The following FGA variants were observed in gnomAD, a reference collection of about 807,000 sequenced individuals.
FGA encodes fibrinogen, A alpha polypeptide.
A neutral mutation model predicts 20.3 loss-of-function variants in FGA; 20 were observed. The ratio of observed to expected loss-of-function variants is 0.99; its 90% confidence interval spans 0.69 to 1.43. The LOEUF (loss-of-function observed/expected upper bound fraction) is 1.43, where lower values mean the gene tolerates loss of function less well. FGA is among the 40% of genes most tolerant of loss of function. The pLI is 0.00. For missense variants in FGA, 777 were observed against 784.7 expected (o/e 0.99, Z 0.12); for synonymous variants, 306 against 281.6 (o/e 1.09, Z -0.87).
downstream of FGA, chr4:154,584,307 G>A (rs1466612183): frequency 6.2e-7 from 1 of 1,613,954 alleles, no homozygotes; most frequent in African/African-American, 1.3e-5. Flanking sequence ...TATACCACCA[G>A]CCTCCCCCAT....
In FGA at chr4:154,586,812, T is replaced by A. The variant is rs781695382; in HGVS notation, c.617A>T (p.Gln206Leu). 6.2e-7 allele frequency: 1 copy of A among 1,614,202 alleles called. No homozygotes were observed. Among genetic ancestry groups the A allele is most frequent in the South Asian group, 1.1e-5 (1 of 91,086 alleles). ...GGGAAGTAAGTCTTTGGCAATGACCTGTTCAAGTTGCTTCTGCTGATCTTC... is the reference window on the plus strand; with the variant it reads ...GGGAAGTAAGTCTTTGGCAATGACCAGTTCAAGTTGCTTCTGCTGATCTTC... ...DYEDQQKQLE[Q>L]VIAKDLLPSR... is the part of the protein sequence containing the mutation. The change falls in exon 5 of 5, where the codon CAG becomes CTG. Residue 206 changes from glutamine (Q) to leucine (L), a missense_variant. By Grantham distance (113) the Gln-to-Leu change is moderately radical. Coordinates refer to ENST00000403106, the MANE Select transcript of FGA (RefSeq NM_021871.4).
intron 3 of FGA, among the ~76,000 whole-genome samples, 159 bp from the exon 4 acceptor site, chr4:154,587,816 G>A (rs1010532824): frequency 2.7e-5 from 4 of 149,486 alleles, no homozygotes; most frequent in African/African-American, 9.9e-5. Context: ...AAAAAAGAAA[G>A]AAAGAAACTA....
At chr4:154,584,098 A>AGTGCTCCCATTCCCACTTCGAAGACAGC, downstream of FGA, 1 of 1,552,692 alleles carries the variant, frequency 6.4e-7, no homozygotes, top group Non-Finnish European at 8.9e-7. Flanking sequence ...AAGAAGACAG[A>AGTGCTCCCATTCCCACTTCGAAGACAGC]GTGCTCCCAT....
At chr4:154,585,201 G>A (rs544074240), downstream of FGA, 68 of 1,296,954 alleles carry the variant, frequency 5.2e-5, no homozygotes, top group Non-Finnish European at 6.0e-5. Context: ...TCAGTTGGGT[G>A]ACAATTCTAA....
intron 1 of FGA, 24 bp from the exon 2 acceptor site, chr4:154,589,586 C>T: frequency 6.2e-7 from 1 of 1,610,028 alleles, no homozygotes; most frequent in Non-Finnish European, 8.5e-7. Context: ...TTCACATACA[C>T]AAAAGAGAGC....
chr4:154,586,270 G>A lies in FGA; in HGVS notation c.1159C>T (p.His387Tyr). 1 of 1,614,114 alleles carries A rather than the reference G, an allele frequency of 6.2e-7. No homozygotes were observed. Among genetic ancestry groups the A allele is most frequent in the South Asian group, 1.1e-5 (1 of 91,072 alleles). Residue 387 changes from histidine (H) to tyrosine (Y), a missense_variant, in exon 5 of 5, where the codon CAC (histidine) becomes TAC (tyrosine). His to Tyr is a moderately conservative substitution (Grantham distance 83). Coordinates refer to ENST00000403106, the MANE Select transcript of FGA (RefSeq NM_021871.4). ...GGCCTAAAACTTCCAGATTCAGAGT[G>A]CCATTGTCCAGTACTACCAGATACA... ...SSVSGSTGQW[H>Y]SESGSFRPDS...
chr4:154,587,973 A>G (rs534846501), intron 3 of FGA, among the ~76,000 whole-genome samples: 1 of 152,286 alleles, frequency 6.6e-6, no homozygotes, highest in East Asian at 1.9e-4. Flanking sequence ...AGTAATCCCA[A>G]AGAAATATAG....
At chr4:154,589,157 C>T (rs1730810159) in intron 2 of FGA, among the ~76,000 whole-genome samples, 181 bp from the exon 3 acceptor site, 1 of 152,088 alleles carries the variant, frequency 6.6e-6, no homozygotes, top group African/African-American at 2.4e-5. Context: ...GTCCACTTAG[C>T]CATAAATTAG....
rs1418346384 is a variant in FGA at position 154,589,555 on chromosome 4, T to C, written c.62A>G (p.Asp21Gly). The C allele has an allele frequency of 1.9e-6, 3 of 1,613,252 alleles. No individual in the cohort carries two copies. The South Asian group carries it at 3.3e-5, about 18-fold the overall frequency. The part of the protein sequence containing the change: ...LSVVGTAWTA[D>G]SGEGDFLAEG... ...AGCTAGAAAGTCACCTTCACCACTA[T>C]CTGCAGTCTTTAAAGATTCATTCAC... Residue 21 changes from aspartate to glycine, a missense_variant, in exon 2 of 5, where the codon GAT becomes GGT. Transcript: ENST00000403106.
chr4:154,584,594 T>A, downstream of FGA: 1 of 1,614,156 alleles, frequency 6.2e-7, no homozygotes, highest in South Asian at 1.1e-5. Flanking sequence ...AGGTAGTCAT[T>A]GCCTAGCCAG....
chr4:154,583,580 C>A (rs1298495677), downstream of FGA: 2 of 152,560 alleles, frequency 1.3e-5, no homozygotes, highest in East Asian at 3.8e-4. Context: ...AAGAATGTTT[C>A]TCTTGCCTTC....
In FGA at chr4:154,586,763, T is replaced by A. The variant is rs886059151; in HGVS notation, c.666A>T (p.Pro222=). Reference sequence around the variant, plus strand: ...CTGGAACTGGTTTCATTTTTATCAGTGGTAAGTGTTGCCTATCTCTAGAGG... The same window carrying A: ...CTGGAACTGGTTTCATTTTTATCAGAGGTAAGTGTTGCCTATCTCTAGAGG... ...LLPSRDRQHL[P]LIKMKPVPDL... The change falls in exon 5 of 5, where the codon CCA becomes CCT. Residue 222 remains proline, a synonymous_variant. Transcript: ENST00000403106. 3 of 1,614,096 alleles carry A rather than the reference T, an allele frequency of 1.9e-6. No homozygotes were observed. Among genetic ancestry groups the A allele is most frequent in the Non-Finnish European group, 2.5e-6 (3 of 1,180,004 alleles).
At chr4:154,584,002 A>G (rs1475834120), downstream of FGA, 3 of 794,076 alleles carry the variant, frequency 3.8e-6, no homozygotes, top group African/African-American at 3.4e-5. Context: ...AGTACAAAGG[A>G]TAAGAAAATA....
chr4:154,586,840 A>G lies in FGA; in HGVS notation c.589T>C (p.Tyr197His). The change falls in exon 5 of 5, where the codon TAT (tyrosine) becomes CAT (histidine). Residue 197 changes from tyrosine (Y) to histidine (H), a missense_variant. Coordinates refer to ENST00000403106, the MANE Select transcript of FGA (RefSeq NM_021871.4). Reference protein sequence around the residue: ...ALAREVDLKDYEDQQKQLEQV... With the variant: ...ALAREVDLKDHEDQQKQLEQV... Reference sequence around the variant, plus strand: ...TCAAGTTGCTTCTGCTGATCTTCATAGTCCTTCAGATCTACTTCACGAGCT... The same window carrying G: ...TCAAGTTGCTTCTGCTGATCTTCATGGTCCTTCAGATCTACTTCACGAGCT... 6.2e-7 allele frequency: 1 copy of G among 1,614,188 alleles called. No homozygotes were observed. Among genetic ancestry groups the G allele is most frequent in the Non-Finnish European group, 8.5e-7 (1 of 1,180,002 alleles).
chr4:154,584,240 G>A, downstream of FGA: 1 of 1,614,020 alleles, frequency 6.2e-7, no homozygotes, highest in Non-Finnish European at 8.5e-7. Context: ...TTATTCCTTG[G>A]GTCATAGGAG....
At chr4:154,589,229 A>G (rs2070027) in intron 2 of FGA, among the ~76,000 whole-genome samples, 3,441 of 152,284 alleles carry the variant, frequency 0.023, 60 homozygotes, top group Non-Finnish European at 0.035. Context: ...TGCAACTGAA[A>G]TCCTGTCTGT....
Position 154,590,147 on chromosome 4 carries a change from T to C in FGA, c.54+487A>G, listed in dbSNP as rs558924480. On this transcript the variant is annotated intron_variant, in intron 1 of 4. Coordinates refer to ENST00000403106, the MANE Select transcript of FGA (RefSeq NM_021871.4). ...CAAAGATATTTCCAAAGATAATTCG[T>C]TTGCTTTTTCTTCTGTCTTGACAAA... Among the ~76,000 whole-genome samples the C allele has an allele frequency of 1.1e-4, 16 of 152,340 alleles. 1 individual carries two copies. In the South Asian group the frequency reaches 2.5e-3, roughly 24 times the overall value.
rs916352754 is a variant in FGA at position 154,586,565 on chromosome 4, G to A, written c.864C>T (p.Asn288=). 3 of 1,613,888 alleles carry A rather than the reference G, an allele frequency of 1.9e-6. No individual in the cohort carries two copies. Among genetic ancestry groups the A allele is most frequent in the Non-Finnish European group, 2.5e-6 (3 of 1,179,958 alleles). Residue 288 remains asparagine (N), a synonymous_variant, in exon 5 of 5, where the codon AAC becomes AAT. Coordinates refer to ENST00000403106, the MANE Select transcript of FGA (RefSeq NM_021871.4). The part of the protein sequence containing the change: ...GTGSETESPR[N]PSSAGSWNSG... ...AGTTCCAGCTTCCAGCACTGCTAGG[G>A]TTCCTGGGGCTTTCCGTCTCTGATC...
Position 154,587,607 on chromosome 4 carries a change from C to G in FGA, c.415G>C (p.Glu139Gln). 1 of 1,613,906 alleles carries G rather than the reference C, an allele frequency of 6.2e-7. No individual in the cohort carries two copies. The highest frequency in any genetic ancestry group is 8.5e-7 in the Non-Finnish European group (1 of 1,179,958). ...TCTATGACTTTGCGCTTCAGGACTT[C>G]AATTCTGCTTCTCAGATCCTCTGAC... ...RVSEDLRSRIEVLKRKVIEKV... is the reference protein window; with the variant it reads ...RVSEDLRSRIQVLKRKVIEKV... The change falls in exon 4 of 5, where the codon GAA becomes CAA. Residue 139 changes from glutamate (E) to glutamine (Q), a missense_variant. Physicochemically the swap from Glu to Gln is conservative, Grantham distance 29. Coordinates refer to ENST00000403106, the MANE Select transcript of FGA (RefSeq NM_021871.4).
Sources: gnomAD v4.1 joint callset for allele counts (sites outside exome capture counted in the v4.1 genomes callset) on GRCh38, gnomAD v4.1.1 for gene constraint, MANE v1.5 for transcripts, NCBI Gene and HGNC (gene_info 2026-07-23, HGNC 2026-07-21) for gene names.